Variants in FHIT observed in about 807,000 individuals in gnomAD.
The protein encoded by FHIT is fragile histidine triad diadenosine triphosphatase.
In FHIT, 19 loss-of-function variants were observed where a neutral mutation model predicts 17.9. The ratio of observed to expected loss-of-function variants is 1.06; its 90% confidence interval spans 0.74 to 1.56. The LOEUF (loss-of-function observed/expected upper bound fraction) is 1.56, where lower values mean the gene tolerates loss of function less well. Ranked by LOEUF, FHIT falls within the 40% of genes most tolerant of loss-of-function variation. FHIT has a pLI of 0.00. For missense variants in FHIT, 248 were observed against 189.2 expected (o/e 1.31, Z -1.82); for synonymous variants, 81 against 69.7 (o/e 1.16, Z -0.81).
At chr3:60,616,173 G>A (rs1387553200) in intron 4 of FHIT, among the ~76,000 whole-genome samples, 1 of 152,132 alleles carries the variant, frequency 6.6e-6, no homozygotes, top group Non-Finnish European at 1.5e-5. Flanking sequence ...TTTAGGTAGT[G>A]TCACCTGTTT....
At chr3:60,184,150 TG>T (rs1238280798) in intron 5 of FHIT, among the ~76,000 whole-genome samples, 3 of 151,982 alleles carry the variant, frequency 2.0e-5, no homozygotes, top group African/African-American at 7.2e-5. Context: ...ACACCTAATT[TG>T]TTTTTTATTT....
intron 5 of FHIT, among the ~76,000 whole-genome samples, chr3:60,016,966 T>C (rs1700366918): frequency 1.3e-5 from 2 of 152,194 alleles, no homozygotes; most frequent in Non-Finnish European, 2.9e-5. Flanking sequence ...TTATAAGCAA[T>C]AATTTCTTAT....
intron 4 of FHIT, among the ~76,000 whole-genome samples, chr3:60,742,244 A>C (rs1017205600): frequency 3.9e-5 from 6 of 152,230 alleles, no homozygotes; most frequent in African/African-American, 9.6e-5. Context: ...TTAAAAAGCT[A>C]CTTTTCACTT....
chr3:59,873,407 TTCCC>T (rs1272975422), intron 8 of FHIT, among the ~76,000 whole-genome samples: 3 of 152,182 alleles, frequency 2.0e-5, no homozygotes, highest in African/African-American at 7.2e-5. Flanking sequence ...AACAAAACAC[TTCCC>T]TGCTCATGAG....
rs761895758 is a variant in FHIT at position 60,734,673 on chromosome 3, T to TTAGA, written c.-18+87245_-18+87246insTCTA. Among the ~76,000 whole-genome samples, 309 of 152,366 alleles carry TTAGA rather than the reference T, an allele frequency of 2.0e-3. 4 individuals carry two copies. Among genetic ancestry groups the TTAGA allele is most frequent in the East Asian group, 2.3e-3 (12 of 5,180 alleles). On this transcript the variant is annotated intron_variant, in intron 4 of 9. Transcript: ENST00000492590. ...AGCCATCCCACCTGGCCTCAATCTCTGTATATTTTAGAGGATAGATAACTT... is the reference window on the plus strand; with the variant it reads ...AGCCATCCCACCTGGCCTCAATCTCTTAGAGTATATTTTAGAGGATAGATAACTT...
chr3:59,917,329 C>T (rs1047210842), intron 8 of FHIT, among the ~76,000 whole-genome samples: 1 of 152,196 alleles, frequency 6.6e-6, no homozygotes, highest in Non-Finnish European at 1.5e-5. Flanking sequence ...CAGTCACAAC[C>T]ATTCAATGTC....
chr3:59,950,114 C>G (rs988138858), intron 7 of FHIT, among the ~76,000 whole-genome samples: 1 of 152,162 alleles, frequency 6.6e-6, no homozygotes, highest in Non-Finnish European at 1.5e-5. Context: ...AATACTCCTC[C>G]CTGGCTCCCC....
intron 5 of FHIT, among the ~76,000 whole-genome samples, chr3:60,445,569 C>T (rs1024833580): frequency 1.3e-5 from 2 of 151,932 alleles, no homozygotes; most frequent in Non-Finnish European, 2.9e-5. Context: ...CATTCCTGAT[C>T]GTTTATCATT....
chr3:60,918,231 CCT>C (rs1266664374), intron 3 of FHIT, among the ~76,000 whole-genome samples: 5 of 152,292 alleles, frequency 3.3e-5, no homozygotes, highest in Admixed American at 1.3e-4. Flanking sequence ...GTCCATTAAA[CCT>C]CTTTTTCTTT....
intron 7 of FHIT, among the ~76,000 whole-genome samples, chr3:59,946,927 C>A (rs528419856): frequency 3.7e-4 from 57 of 152,044 alleles, no homozygotes; most frequent in Non-Finnish European, 7.2e-4. Flanking sequence ...TATTTGGTTG[C>A]GGATTTTTAT....
chr3:60,333,230 C>T (rs369386240), intron 5 of FHIT, among the ~76,000 whole-genome samples: 5 of 152,318 alleles, frequency 3.3e-5, no homozygotes, highest in African/African-American at 1.2e-4. Context: ...CTAATCGATA[C>T]ATAATGCTAA....
chr3:59,949,982 T>A (rs62238357), intron 7 of FHIT, among the ~76,000 whole-genome samples: 13,392 of 152,238 alleles, frequency 0.088, 839 homozygotes, highest in South Asian at 0.16. Context: ...AAATCTCTAA[T>A]GAGGACCAGG....
intron 3 of FHIT, among the ~76,000 whole-genome samples, chr3:60,979,726 A>G (rs1394044041): frequency 2.0e-5 from 3 of 152,182 alleles, no homozygotes; most frequent in African/African-American, 7.2e-5. Context: ...ATCATTGCTC[A>G]TTCAGGGATT....
chr3:59,781,123 G>A (rs1408393501), intron 8 of FHIT, among the ~76,000 whole-genome samples: 2 of 152,188 alleles, frequency 1.3e-5, no homozygotes, highest in African/African-American at 4.8e-5. Context: ...GTAGGATCTT[G>A]AAGGCATTGG....
chr3:60,524,716 C>T (rs1328773690), intron 5 of FHIT, among the ~76,000 whole-genome samples: 1 of 124,384 alleles, frequency 8.0e-6, no homozygotes, highest in Non-Finnish European at 1.7e-5. Flanking sequence ...GACCACATCA[C>T]TCCAGTCTGC....
At chr3:60,268,502 G>C (rs147259223) in intron 5 of FHIT, among the ~76,000 whole-genome samples, 32 of 152,336 alleles carry the variant, frequency 2.1e-4, no homozygotes, top group African/African-American at 7.2e-4. Flanking sequence ...GACTGGCACA[G>C]TCAGAGACCA....
At chr3:61,128,250 A>G (rs925583412) in intron 2 of FHIT, among the ~76,000 whole-genome samples, 1 of 152,230 alleles carries the variant, frequency 6.6e-6, no homozygotes, top group Admixed American at 6.5e-5. Flanking sequence ...CACAGAATAC[A>G]GTGCAAGGCC....
intron 4 of FHIT, among the ~76,000 whole-genome samples, chr3:60,688,777 A>C (rs1553699022): frequency 6.6e-6 from 1 of 151,944 alleles, no homozygotes; most frequent in African/African-American, 2.4e-5. Flanking sequence ...ACTTTATACT[A>C]TTTATTTTTA....
intron 4 of FHIT, among the ~76,000 whole-genome samples, chr3:60,675,711 C>T (rs1326777001): frequency 6.6e-6 from 1 of 152,150 alleles, no homozygotes; most frequent in Non-Finnish European, 1.5e-5. Flanking sequence ...CTACCAACAG[C>T]ATGTTTTTTA....
Sources: allele counts gnomAD v4.1 joint callset (sites outside exome capture counted in the v4.1 genomes callset), GRCh38; gene constraint gnomAD v4.1.1; transcripts MANE v1.5; gene names NCBI Gene and HGNC (gene_info 2026-07-23, HGNC 2026-07-21).